Variants in GRIN2A observed in about 807,000 individuals in gnomAD.
GRIN2A encodes glutamate receptor ionotropic, NMDA 2A.
GRIN2A carries 22 observed loss-of-function variants against 113.4 expected under a neutral mutation model. That is an observed-to-expected ratio of 0.19 (90% CI 0.14 to 0.28). GRIN2A has a LOEUF of 0.28. Ranked by LOEUF, GRIN2A falls within the 10% of genes least tolerant of loss-of-function variation. The pLI, the probability that GRIN2A is intolerant of heterozygous loss-of-function variation, is 1.00. For synonymous variants in GRIN2A, 827 were observed against 738.4 expected (o/e 1.12, Z -1.94); for missense variants, 1,502 against 1,887.0 (o/e 0.80, Z 3.78).
intron 2 of GRIN2A, among the ~76,000 whole-genome samples, chr16:10,097,885 A>T (rs2048324600): frequency 6.6e-6 from 1 of 152,218 alleles, no homozygotes; most frequent in Admixed American, 6.5e-5. Context: ...TGGATTAGGC[A>T]AAGATTTCAT....
At chr16:9,858,533 C>T (rs185275542) in intron 4 of GRIN2A, among the ~76,000 whole-genome samples, 300 of 151,582 alleles carry the variant, frequency 2.0e-3, no homozygotes, top group African/African-American at 5.5e-3. Context: ...GAAGTTGTGA[C>T]GACAAAAATA....
At chr16:9,895,424 G>T (rs1337467106) in intron 3 of GRIN2A, among the ~76,000 whole-genome samples, 2 of 152,168 alleles carry the variant, frequency 1.3e-5, no homozygotes. Context: ...AAGTAACTTG[G>T]GAGAGGACGC....
chr16:10,008,149 C>G (rs2046438146), intron 2 of GRIN2A, among the ~76,000 whole-genome samples: 1 of 152,132 alleles, frequency 6.6e-6, no homozygotes, highest in Non-Finnish European at 1.5e-5. Context: ...TATTGGAGAT[C>G]TGTCCTCTTG....
chr16:10,106,916 G>C (rs1289166430), intron 2 of GRIN2A, among the ~76,000 whole-genome samples: 1 of 152,122 alleles, frequency 6.6e-6, no homozygotes, highest in Non-Finnish European at 1.5e-5. Context: ...TGCCAGAATA[G>C]ACATTGCCAT....
chr16:10,064,067 G>A (rs762079132), intron 2 of GRIN2A, among the ~76,000 whole-genome samples: 1 of 152,108 alleles, frequency 6.6e-6, no homozygotes, highest in Non-Finnish European at 1.5e-5. Flanking sequence ...ATTTTTCAAT[G>A]ATCCTTAAGT....
chr16:9,963,639 A>G (rs1361057658), intron 2 of GRIN2A, among the ~76,000 whole-genome samples: 1 of 152,200 alleles, frequency 6.6e-6, no homozygotes, highest in African/African-American at 2.4e-5. Context: ...GCATTATACT[A>G]TATGTAAGCT....
intron 2 of GRIN2A, among the ~76,000 whole-genome samples, chr16:9,967,434 A>T (rs1225151199): frequency 6.6e-6 from 1 of 152,148 alleles, no homozygotes; most frequent in African/African-American, 2.4e-5. Flanking sequence ...GGCCGGGCAC[A>T]GTGACTCACG....
intron 3 of GRIN2A, among the ~76,000 whole-genome samples, chr16:9,934,678 T>TAAAAAAAA (rs33916243): frequency 5.9e-5 from 3 of 50,936 alleles, no homozygotes; most frequent in African/African-American, 1.7e-4. Context: ...AGACTCTGTC[T>TAAAAAAAA]AAAAAAAAAA....
intron 2 of GRIN2A, among the ~76,000 whole-genome samples, chr16:9,957,266 G>T (rs1050211297): frequency 1.4e-4 from 22 of 152,018 alleles, no homozygotes; most frequent in African/African-American, 5.3e-4. Context: ...TTTTACTCAG[G>T]GAAGATTATT....
intron 5 of GRIN2A, 70 bp downstream of exon 5, chr16:9,849,686 G>T: frequency 1.8e-6 from 2 of 1,087,372 alleles, no homozygotes; most frequent in South Asian, 1.2e-5. Context: ...TACACATATT[G>T]TTACTATCGA....
chr16:9,806,501 T>C (rs898384711), intron 10 of GRIN2A, among the ~76,000 whole-genome samples: 1 of 152,154 alleles, frequency 6.6e-6, no homozygotes, highest in Non-Finnish European at 1.5e-5. Flanking sequence ...TTTTAGCTGA[T>C]AATAAATCCT....
intron 2 of GRIN2A, among the ~76,000 whole-genome samples, chr16:10,094,469 G>C (rs1270636254): frequency 2.0e-5 from 3 of 149,848 alleles, no homozygotes; most frequent in Admixed American, 6.6e-5. Flanking sequence ...TTTTTTTTGA[G>C]ATGGAATCTC....
chr16:9,795,953 T>G (rs996678054), intron 11 of GRIN2A, among the ~76,000 whole-genome samples: 1 of 152,208 alleles, frequency 6.6e-6, no homozygotes, highest in African/African-American at 2.4e-5. Flanking sequence ...GTAAGGTCCC[T>G]GAAGTAGAAG....
Position 9,847,328 on chromosome 16 carries a change from A to G in GRIN2A, c.1328+2428T>C, listed in dbSNP as rs181873325. On this transcript the variant is annotated intron_variant, in intron 5 of 12. Coordinates refer to ENST00000330684, the MANE Select transcript of GRIN2A (RefSeq NM_001134407.3). ...TCCCAGTGACTCAGGAGGCCAAGGCATGAGGATCACTTAAGGCCAGGAGCT... is the reference window on the plus strand; with the variant it reads ...TCCCAGTGACTCAGGAGGCCAAGGCGTGAGGATCACTTAAGGCCAGGAGCT... Among the ~76,000 whole-genome samples the G allele has an allele frequency of 4.1e-4, 63 of 152,180 alleles. 1 individual carries two copies. The highest frequency in any genetic ancestry group is 2.0e-3 in the Admixed American group (30 of 15,282).
At chr16:9,822,534 G>A (rs1381691291) in intron 9 of GRIN2A, 110 bp from the exon 10 acceptor site, 2 of 776,702 alleles carry the variant, frequency 2.6e-6, no homozygotes, top group Non-Finnish European at 4.5e-6. Flanking sequence ...GGTGTTAGGA[G>A]GTAAATGCAT....
Position 9,837,010 on chromosome 16 carries a change from G to A in GRIN2A, c.1652-2780C>T, listed in dbSNP as rs977171823. Among the ~76,000 whole-genome samples, 34 of 152,174 alleles carry A rather than the reference G, an allele frequency of 2.2e-4. 1 individual carries two copies. Among genetic ancestry groups the A allele is most frequent in the African/African-American group, 8.2e-4 (34 of 41,430 alleles). The stretch of plus-strand genomic sequence containing the variant: ...TACATTTTTACACAAAAGCTTAGAG[G>A]CATTACCTGCAAGTGCTTCTGATGT... On this transcript the variant is annotated intron_variant, in intron 7 of 12. Transcript: ENST00000330684.
intron 2 of GRIN2A, among the ~76,000 whole-genome samples, chr16:9,958,328 G>A (rs1195219543): frequency 6.6e-6 from 1 of 152,064 alleles, no homozygotes; most frequent in African/African-American, 2.4e-5. Context: ...TCTTGCTGAT[G>A]TGGGCAATGT....
chr16:9,862,512 A>G (rs150100590), intron 4 of GRIN2A, among the ~76,000 whole-genome samples: 6 of 152,328 alleles, frequency 3.9e-5, no homozygotes, highest in African/African-American at 9.6e-5. Context: ...GAAGAGCTCA[A>G]TGCTTGTTCA....
intron 2 of GRIN2A, among the ~76,000 whole-genome samples, chr16:10,057,914 G>C (rs59861689): frequency 6.6e-6 from 1 of 152,158 alleles, no homozygotes; most frequent in Non-Finnish European, 1.5e-5. Flanking sequence ...TGGCAGGCTG[G>C]TGAAGCCTTC....
Sources: gnomAD v4.1 joint callset for allele counts (sites outside exome capture counted in the v4.1 genomes callset) on GRCh38, gnomAD v4.1.1 for gene constraint, MANE v1.5 for transcripts, NCBI Gene and HGNC (gene_info 2026-07-23, HGNC 2026-07-21) for gene names.